The following ARID4B variants were observed in gnomAD, a reference collection of about 807,000 sequenced individuals.
ARID4B encodes AT-rich interactive domain-containing protein 4B.
ARID4B carries 26 observed loss-of-function variants against 147.5 expected under a neutral mutation model. The ratio of observed to expected loss-of-function variants is 0.18; its 90% confidence interval spans 0.13 to 0.24. The LOEUF is 0.24. Ranked by LOEUF, ARID4B falls within the 10% of genes least tolerant of loss-of-function variation. The pLI is 1.00. For synonymous variants in ARID4B, 512 were observed against 507.9 expected (o/e 1.01, Z -0.11); for missense variants, 1,179 against 1,511.5 (o/e 0.78, Z 3.65).
At chr1:235,195,608 T>C (rs548580421) in intron 18 of ARID4B, among the ~76,000 whole-genome samples, 295 of 150,338 alleles carry the variant, frequency 2.0e-3, no homozygotes, top group African/African-American at 6.6e-3. Context: ...AAAAAAAAAA[T>C]CTTGTGAATA....
At chr1:235,196,970 C>T (rs1210803955) in intron 17 of ARID4B, among the ~76,000 whole-genome samples, 2 of 149,218 alleles carry the variant, frequency 1.3e-5, no homozygotes, top group African/African-American at 2.5e-5. Flanking sequence ...AAAAACATTA[C>T]TCTGCAAAGT....
rs761841322 is a variant in ARID4B, at chr1:235,296,791, G to GAGGAAGGAAGGAAGGAAGGA, written c.6+30103_6+30122dup. Among the ~76,000 whole-genome samples, 8 of 57,106 alleles carry GAGGAAGGAAGGAAGGAAGGA rather than the reference G, an allele frequency of 1.4e-4. 1 individual carries two copies. Among genetic ancestry groups the GAGGAAGGAAGGAAGGAAGGA allele is most frequent in the African/African-American group, 4.0e-4 (7 of 17,480 alleles). The allele number at this position is 57,106 out of a possible 152,430, so 37.5% of individuals were successfully genotyped here. ...TACTCTAATTAAAAAAAAAAAAAAG[G>GAGGAAGGAAGGAAGGAAGGA]AGGAAGGAAGGAAGGAAGGAAGGAA... On this transcript the variant is annotated intron_variant, in intron 2 of 23. Transcript: ENST00000264183.
intron 2 of ARID4B, among the ~76,000 whole-genome samples, chr1:235,296,608 C>T (rs543324906): frequency 1.3e-5 from 2 of 151,722 alleles, no homozygotes; most frequent in South Asian, 2.1e-4. Context: ...TAGGCACACA[C>T]CACCATGCCT....
At chr1:235,237,730 C>A (rs1199182706) in intron 8 of ARID4B, among the ~76,000 whole-genome samples, 1 of 152,166 alleles carries the variant, frequency 6.6e-6, no homozygotes, top group Admixed American at 6.5e-5. Flanking sequence ...CATACAAATA[C>A]ATATAAACAA....
At chr1:235,274,896 A>T (rs1042350632) in intron 2 of ARID4B, among the ~76,000 whole-genome samples, 11 of 152,176 alleles carry the variant, frequency 7.2e-5, no homozygotes, top group Non-Finnish European at 1.3e-4. Flanking sequence ...TCTGCTGCAG[A>T]CTTATCTTTG....
chr1:235,221,749 T>A (rs1376306192), intron 13 of ARID4B, 87 bp from the exon 14 acceptor site: 3 of 568,608 alleles, frequency 5.3e-6, no homozygotes, highest in Non-Finnish European at 8.9e-6. Flanking sequence ...ATGAGTATAT[T>A]TTTATATTTA....
chr1:235,170,016 T>A (rs1382402326), intron 23 of ARID4B, among the ~76,000 whole-genome samples: 1 of 152,116 alleles, frequency 6.6e-6, no homozygotes, highest in Non-Finnish European at 1.5e-5. Flanking sequence ...ATGCACAGAT[T>A]TAAAAAATTC....
intron 5 of ARID4B, among the ~76,000 whole-genome samples, chr1:235,255,264 T>TAGATAGATAGATAGATAG (rs377530004): frequency 2.7e-5 from 3 of 110,042 alleles, no homozygotes; most frequent in Non-Finnish European, 5.9e-5. Flanking sequence ...GATAGATAGA[T>TAGATAGATAGATAGATAG]ATATATCTCT....
intron 8 of ARID4B, among the ~76,000 whole-genome samples, chr1:235,240,074 A>C (rs530777554): frequency 8.1e-4 from 123 of 152,142 alleles, no homozygotes; most frequent in Non-Finnish European, 1.5e-3. Context: ...CTACCGAGAG[A>C]GAGAGAATTC....
At chr1:235,259,472 C>T (rs1237431522) in intron 3 of ARID4B, among the ~76,000 whole-genome samples, 1 of 152,250 alleles carries the variant, frequency 6.6e-6, no homozygotes, top group Non-Finnish European at 1.5e-5. Context: ...AAAGGTGATA[C>T]ATGTGCTACC....
chr1:235,280,206 C>T (rs1457411137), intron 2 of ARID4B, among the ~76,000 whole-genome samples: 2 of 151,480 alleles, frequency 1.3e-5, no homozygotes, highest in African/African-American at 4.8e-5. Flanking sequence ...ACTCTTACTC[C>T]ACCCATTAAT....
intron 19 of ARID4B, among the ~76,000 whole-genome samples, chr1:235,189,880 T>C (rs879852911): frequency 1.3e-5 from 2 of 151,406 alleles, no homozygotes; most frequent in Non-Finnish European, 1.5e-5. Context: ...ATCTCAAAAA[T>C]AGTAACAATG....
chr1:235,248,778 T>G (rs1271382383), intron 6 of ARID4B, among the ~76,000 whole-genome samples: 1 of 152,164 alleles, frequency 6.6e-6, no homozygotes, highest in Non-Finnish European at 1.5e-5. Flanking sequence ...TATCTCAATG[T>G]CCAGGAAAGT....
chr1:235,217,609 A>T (rs779679928), intron 16 of ARID4B, among the ~76,000 whole-genome samples: 27 of 152,218 alleles, frequency 1.8e-4, no homozygotes, highest in Non-Finnish European at 3.2e-4. Flanking sequence ...CAAAAATTTT[A>T]AAAAAGATAG....
At chr1:235,290,841 A>C (rs1342621631) in intron 2 of ARID4B, among the ~76,000 whole-genome samples, 1 of 152,234 alleles carries the variant, frequency 6.6e-6, no homozygotes, top group Non-Finnish European at 1.5e-5. Flanking sequence ...TTACGCCTGT[A>C]ATCCCAGAGC....
chr1:235,191,623 A>G (rs756033310), intron 19 of ARID4B, among the ~76,000 whole-genome samples: 8 of 152,174 alleles, frequency 5.3e-5, no homozygotes, highest in South Asian at 2.1e-4. Context: ...GACCTGTCCA[A>G]CTGAATTCTC....
intron 3 of ARID4B, 29 bp downstream of exon 3, chr1:235,260,598 TCAAATGCTGAACATA>T: frequency 2.1e-6 from 3 of 1,411,182 alleles, no homozygotes; most frequent in Non-Finnish European, 2.9e-6. Context: ...AGTTTACATA[TCAAATGCTGAACATA>T]CAATTTATGA....
At chr1:235,193,947 C>T in intron 19 of ARID4B, 66 bp downstream of exon 19, 1 of 1,278,404 alleles carries the variant, frequency 7.8e-7, no homozygotes, top group African/African-American at 1.5e-5. Flanking sequence ...ACTGAATTAC[C>T]TTTATAGAAC....
At chr1:235,206,211 T>C (rs1280385646) in intron 17 of ARID4B, among the ~76,000 whole-genome samples, 6 of 152,204 alleles carry the variant, frequency 3.9e-5, no homozygotes, top group African/African-American at 4.8e-5. Context: ...AGAATAGATA[T>C]GAAACAGAAA....
Sources: gnomAD v4.1 joint callset for allele counts (sites outside exome capture counted in the v4.1 genomes callset) on GRCh38, gnomAD v4.1.1 for gene constraint, MANE v1.5 for transcripts, NCBI Gene and HGNC (gene_info 2026-07-23, HGNC 2026-07-21) for gene names.